Variants in LTN1 observed in about 807,000 individuals in gnomAD.
The protein encoded by LTN1 is E3 ubiquitin-protein ligase listerin.
In LTN1, 88 loss-of-function variants were observed where a neutral mutation model predicts 201.2. The observed-to-expected ratio is 0.44, with a 90% CI of 0.37 to 0.52. The LOEUF is 0.52. Among genes scored for constraint, LTN1 ranks in the 20% least tolerant of loss-of-function variants. LTN1 has a pLI of 0.00. For synonymous variants in LTN1, 645 were observed against 713.5 expected (o/e 0.90, Z 1.53); for missense variants, 1,752 against 2,038.7 (o/e 0.86, Z 2.71).
In LTN1 at chr21:28,959,613, G is replaced by A. The variant is rs57646126; in HGVS notation, c.2438C>T (p.Ala813Val). The A allele has an allele frequency of 0.02, 31,594 of 1,613,890 alleles. 4,046 individuals are homozygous for A. In the East Asian group the frequency reaches 0.34, roughly 18 times the overall value. ...AGACACTGATGAGTCACTGCTTTCAGCTTCTGATAATTTCTTTGTTTTGAA... is the reference window on the plus strand; with the variant it reads ...AGACACTGATGAGTCACTGCTTTCAACTTCTGATAATTTCTTTGTTTTGAA... ...TLFKTKKLSE[A>V]ESSDSSVSFI... The change falls in exon 13 of 30, where the codon GCT (alanine) becomes GTT (valine). Residue 813 changes from alanine to valine, a missense_variant. Physicochemically the swap from Ala to Val is moderately conservative, Grantham distance 64. Around this residue, in one of 3 missense-constraint regions of LTN1, gnomAD observed 1,211 missense variants for 1,312.8 expected, o/e 0.92. Coordinates refer to ENST00000361371, the MANE Select transcript of LTN1 (RefSeq NM_015565.3).
chr21:28,946,111 T>C (rs751618873), intron 20 of LTN1, 41 bp downstream of exon 20: 10 of 1,535,702 alleles, frequency 6.5e-6, no homozygotes, highest in Middle Eastern at 1.7e-4. Flanking sequence ...TTTGTCTGAA[T>C]TGTATACTGA....
chr21:28,940,333 GT>G (rs1251012987), intron 25 of LTN1, among the ~76,000 whole-genome samples: 1 of 152,168 alleles, frequency 6.6e-6, no homozygotes, highest in Non-Finnish European at 1.5e-5. Flanking sequence ...GATCTTTCCA[GT>G]TTCTTCTTGG....
chr21:28,962,121 T>C (rs2084484165), intron 11 of LTN1, among the ~76,000 whole-genome samples: 1 of 152,246 alleles, frequency 6.6e-6, no homozygotes, highest in African/African-American at 2.4e-5. Flanking sequence ...TTTCCCAGTG[T>C]AGTTTGCCAA....
intron 6 of LTN1, among the ~76,000 whole-genome samples, chr21:28,973,438 TGA>T (rs1416987287): frequency 2.6e-5 from 4 of 151,456 alleles, no homozygotes; most frequent in African/African-American, 9.7e-5. Context: ...AAACAAAGAT[TGA>T]GAGTATAATA....
chr21:28,967,065 CT>C lies in LTN1; in HGVS notation c.1425del (p.Asp476MetfsTer12). 12 of 1,614,110 alleles carry C rather than the reference CT, an allele frequency of 7.4e-6. No individual in the cohort carries two copies. The highest frequency in any genetic ancestry group is 1.0e-5 in the Non-Finnish European group (12 of 1,180,010). On this transcript the variant is annotated frameshift_variant, in exon 10 of 30. Transcript: ENST00000361371. LOFTEE classifies it high-confidence loss of function. ...TCCAAGTTGTGAGCTGTTTTTTCATCTTTTTCCGTGTCTGCTTTGGCTTCCC... is the reference window on the plus strand; with the variant it reads ...TCCAAGTTGTGAGCTGTTTTTTCATCTTTTCCGTGTCTGCTTTGGCTTCCC... Reference protein sequence around the residue: ...SSWEAKADTEKDEKTAHNLEN... With the variant: ...SSWEAKADTEXDEKTAHNLEN...
intron 25 of LTN1, among the ~76,000 whole-genome samples, chr21:28,940,436 T>C (rs116207013): frequency 4.2e-4 from 64 of 152,316 alleles, no homozygotes; most frequent in Middle Eastern, 3.4e-3. Context: ...TTTCACCACT[T>C]AGGTAACAGT....
At chr21:28,969,406 T>G in intron 9 of LTN1, 60 bp downstream of exon 9, 1,528 of 1,406,194 alleles carry the variant, frequency 1.1e-3, no homozygotes, top group Non-Finnish European at 1.3e-3. Flanking sequence ...CAAGACACAA[T>G]GAGCTTGATC....
chr21:28,931,707 A>C (rs562495690), intron 28 of LTN1, among the ~76,000 whole-genome samples: 1 of 152,318 alleles, frequency 6.6e-6, no homozygotes, highest in South Asian at 2.1e-4. Flanking sequence ...TTTGTTTTAA[A>C]ATAGTTTTTC....
rs372610540 is a variant in LTN1 at position 28,929,596 on chromosome 21, C to A, written c.*852G>T. The A allele has an allele frequency of 2.6e-5, 4 of 151,672 alleles. No individual in the cohort carries two copies. The highest frequency in any genetic ancestry group is 9.7e-5 in the African/African-American group (4 of 41,276). 9.4% of individuals were successfully genotyped at this position (151,672 alleles called of 1,614,324 possible). On this transcript the variant is annotated 3_prime_UTR_variant, in exon 30 of 30. Coordinates refer to ENST00000361371, the MANE Select transcript of LTN1 (RefSeq NM_015565.3). ...TTAAATGTTTTTTTTTTCCACTGAT[C>A]TTTAAGTTTCAGTAATACTCATTTA...
chr21:28,984,617 A>C (rs1032959194), intron 4 of LTN1, 75 bp downstream of exon 4: 1 of 1,038,824 alleles, frequency 9.6e-7, no homozygotes, highest in East Asian at 2.5e-5. Flanking sequence ...TCCCAAGTAA[A>C]AGAGCTGTCA....
rs151217549 is a variant in LTN1, at chr21:28,936,828, C to T, written c.4483-131G>A. Reference sequence around the variant, plus strand: ...ACATTCTATCCCCTCATTATTGTAACACATTTCTAATATCTTTCTCAAATT... The same window carrying T: ...ACATTCTATCCCCTCATTATTGTAATACATTTCTAATATCTTTCTCAAATT... On this transcript the variant is annotated intron_variant, in intron 25 of 29. Coordinates refer to ENST00000361371, the MANE Select transcript of LTN1 (RefSeq NM_015565.3). 4,304 of 666,920 alleles carry T rather than the reference C, an allele frequency of 6.5e-3. 30 individuals are homozygous for T. The highest frequency in any genetic ancestry group is 6.9e-3 in the Non-Finnish European group (2,654 of 384,838). 41.3% of individuals were successfully genotyped at this position (666,920 alleles called of 1,614,324 possible). A position where few individuals can be genotyped will look rare whatever the true frequency, so the allele number is the denominator to read the frequency against.
chr21:28,955,244 G>A (rs2084415107), intron 16 of LTN1, among the ~76,000 whole-genome samples: 1 of 152,034 alleles, frequency 6.6e-6, no homozygotes, highest in Admixed American at 6.6e-5. Flanking sequence ...GAGGCAAGAG[G>A]ATTGCTTGAG....
chr21:28,962,676 G>A (rs1241208390), intron 11 of LTN1, among the ~76,000 whole-genome samples: 2 of 152,172 alleles, frequency 1.3e-5, no homozygotes, highest in Non-Finnish European at 2.9e-5. Flanking sequence ...TCAAGTGGAA[G>A]GAAGAGTCAC....
chr21:28,988,160 CA>C (rs938375158), intron 1 of LTN1, among the ~76,000 whole-genome samples: 1 of 115,534 alleles, frequency 8.7e-6, no homozygotes, highest in Non-Finnish European at 1.8e-5. Context: ...AAAAAAACAA[CA>C]AAAAAAAACA....
intron 1 of LTN1, among the ~76,000 whole-genome samples, chr21:28,989,178 A>T (rs1434816771): frequency 6.6e-6 from 1 of 152,102 alleles, no homozygotes; most frequent in Admixed American, 6.6e-5. Flanking sequence ...ATTTTCTACA[A>T]TCTCATGTGT....
In LTN1 at chr21:28,966,912, T is replaced by C. The variant is rs61735768; in HGVS notation, c.1579A>G (p.Ser527Gly). The change falls in exon 10 of 30, where the codon AGC becomes GGC. Residue 527 changes from serine (S) to glycine (G), a missense_variant. This residue lies in a region of LTN1 where 1,211 missense variants were observed against 1,312.8 expected (regional missense o/e 0.92). Coordinates refer to ENST00000361371, the MANE Select transcript of LTN1 (RefSeq NM_015565.3). ...NLLQVLQKPK[S>G]SLKSSKKKNG... Reference sequence around the variant, plus strand: ...TTTTTTTTACTTGACTTCAATGAGCTCTTCGGCTTCTGAAGCACCTGTAAT... The same window carrying C: ...TTTTTTTTACTTGACTTCAATGAGCCCTTCGGCTTCTGAAGCACCTGTAAT... 188,059 of 1,613,086 alleles carry C rather than the reference T, an allele frequency of 0.12. 14,062 individuals carry two copies. The highest frequency in any genetic ancestry group is 0.4 in the East Asian group (17,952 of 44,838).
chr21:28,959,801 A>G (rs924153021), intron 12 of LTN1, 104 bp from the exon 13 acceptor site: 3 of 1,038,180 alleles, frequency 2.9e-6, no homozygotes, highest in Middle Eastern at 3.2e-4. Context: ...CCTGGATTTT[A>G]AAATGTATTA....
intron 28 of LTN1, among the ~76,000 whole-genome samples, chr21:28,932,211 A>G (rs2084216189): frequency 6.6e-6 from 1 of 152,140 alleles, no homozygotes; most frequent in African/African-American, 2.4e-5. Context: ...TCTCCGAAAC[A>G]ATTTTGTTAA....
intron 6 of LTN1, among the ~76,000 whole-genome samples, chr21:28,971,904 G>C (rs2084578051): frequency 6.6e-6 from 1 of 152,104 alleles, no homozygotes; most frequent in African/African-American, 2.4e-5. Flanking sequence ...AAAAAGCAGA[G>C]CAGATCGGAA....
Sources: allele counts gnomAD v4.1 joint callset (sites outside exome capture counted in the v4.1 genomes callset), GRCh38; gene constraint gnomAD v4.1.1; regional missense constraint gnomAD v4.1.1; transcripts MANE v1.5; gene names NCBI Gene and HGNC (gene_info 2026-07-23, HGNC 2026-07-21).